STT3A: variants seen among roughly 807,000 people sequenced by gnomAD.
The protein encoded by STT3A is dolichyl-diphosphooligosaccharide--protein glycosyltransferase subunit STT3A.
Under a neutral mutation model 89.2 loss-of-function variants are expected in STT3A, and 34 were observed. The ratio of observed to expected loss-of-function variants is 0.38; its 90% CI spans 0.29 to 0.51. The LOEUF is 0.51. Among genes scored for constraint, STT3A ranks in the 20% least tolerant of loss-of-function variants. The probability of loss-of-function intolerance (pLI) is 0.89; values close to 1 mark genes in which losing one functional copy is unlikely to be tolerated. For synonymous variants in STT3A, 282 were observed against 310.3 expected (o/e 0.91, Z 0.96); for missense variants, 555 against 889.5 (o/e 0.62, Z 4.78).
chr11:125,607,176 A>G (rs1001577582), intron 8 of STT3A, among the ~76,000 whole-genome samples: 1 of 152,202 alleles, frequency 6.6e-6, no homozygotes, highest in Non-Finnish European at 1.5e-5. Flanking sequence ...TTTATTGTAA[A>G]ATAGGCTTTG....
chr11:125,608,336 T>C (rs1322926762), intron 9 of STT3A, 47 bp downstream of exon 9: 10 of 1,537,402 alleles, frequency 6.5e-6, no homozygotes, highest in African/African-American at 1.4e-5. Context: ...TTTTTTAAGA[T>C]GGAGTTTCGC....
At position 125,620,821 on chromosome 11, in the gene STT3A, C is replaced by G; in HGVS notation, c.*11C>G. ...TTGTCAAGGACATAAATGTCACGTC[C>G]AGCTCTGATATGCTTCGCACTGAGC... On this transcript the variant is annotated 3_prime_UTR_variant, in exon 18 of 18. Coordinates refer to ENST00000392708, the MANE Select transcript of STT3A (RefSeq NM_152713.5). The G allele has an allele frequency of 6.2e-7, 1 of 1,612,628 alleles. No individual in the cohort carries two copies. Among genetic ancestry groups the G allele is most frequent in the Admixed American group, 1.7e-5 (1 of 59,964 alleles).
chr11:125,596,726 G>A (rs1408464729), intron 2 of STT3A, among the ~76,000 whole-genome samples: 1 of 122,148 alleles, frequency 8.2e-6, no homozygotes, highest in Non-Finnish European at 1.7e-5. Context: ...CAAGGTTAAG[G>A]TTAGTTATGT....
Position 125,614,273 on chromosome 11 carries a change from G to C in STT3A, c.1672-51G>C. 6.2e-7 allele frequency: 1 copy of C among 1,612,740 alleles called. No individual in the cohort carries two copies. Among genetic ancestry groups the C allele is most frequent in the Non-Finnish European group, 8.5e-7 (1 of 1,178,790 alleles). ...AATGGGAAATGTGTCTGCATGAGGG[G>C]ATCATATGACTTGGGATTTTGCTCT... On this transcript the variant is annotated intron_variant, in intron 14 of 17. Coordinates refer to ENST00000392708, the MANE Select transcript of STT3A (RefSeq NM_152713.5). The surrounding 1 kb of genome is among the most constrained non-coding windows in gnomAD (Gnocchi z 4.9).
intron 15 of STT3A, among the ~76,000 whole-genome samples, chr11:125,616,682 T>C (rs1488791115): frequency 6.6e-6 from 1 of 152,192 alleles, no homozygotes; most frequent in Non-Finnish European, 1.5e-5. Flanking sequence ...ATCATCATCA[T>C]CATTATTGTT....
rs193010694 is a variant in STT3A at position 125,592,892 on chromosome 11, C to G, written c.-62C>G. On this transcript the variant is annotated 5_prime_UTR_variant, in exon 1 of 18. Transcript: ENST00000392708. ...GCTGAACGGATGGCTGAGGGAGCCC[C>G]GCGGATCGTTTAGGAAAGCCGGCCA... 1.0e-4 allele frequency: 18 copies of G among 174,466 alleles called. No individual in the cohort carries two copies. In the East Asian group the frequency reaches 2.5e-3, roughly 25 times the overall value. The allele number at this position is 174,466 out of a possible 1,614,324, so 10.8% of individuals were successfully genotyped here. A position where few individuals can be genotyped will look rare whatever the true frequency, so the allele number is the denominator to read the frequency against.
intron 5 of STT3A, among the ~76,000 whole-genome samples, chr11:125,603,182 C>T (rs1939734191): frequency 6.6e-6 from 1 of 151,446 alleles, no homozygotes. Context: ...ATGTAAATTG[C>T]AACATAAAGA....
Position 125,620,958 on chromosome 11 carries a change from T to A in STT3A, c.*148T>A. ...TGTCTGGAAGTTTTGTCTTGGGCAG[T>A]ATGGGCTGGGCCAAATGAAATGATT... On this transcript the variant is annotated 3_prime_UTR_variant, in exon 18 of 18. Transcript: ENST00000392708. 6.8e-6 allele frequency: 4 copies of A among 589,886 alleles called. No homozygotes were observed. The highest frequency in any genetic ancestry group is 1.2e-5 in the Non-Finnish European group (4 of 347,202). The allele number at this position is 589,886 out of a possible 1,614,324, so 36.5% of individuals were successfully genotyped here.
At chr11:125,611,279 T>A (rs1389051756) in intron 10 of STT3A, 149 bp from the exon 11 acceptor site, 4 of 636,056 alleles carry the variant, frequency 6.3e-6, no homozygotes, top group Non-Finnish European at 1.1e-5. Flanking sequence ...TTTGCATGTT[T>A]CTATGATTGT....
At chr11:125,600,342 G>A (rs542510292) in intron 3 of STT3A, among the ~76,000 whole-genome samples, 14 of 151,542 alleles carry the variant, frequency 9.2e-5, no homozygotes, top group Admixed American at 6.6e-5. Context: ...GAGCCACTGC[G>A]CCTGGCCTTA....
At chr11:125,598,984 A>G (rs1317196465) in intron 3 of STT3A, among the ~76,000 whole-genome samples, 1 of 152,196 alleles carries the variant, frequency 6.6e-6, no homozygotes, top group East Asian at 1.9e-4. Context: ...ATGTTAGATA[A>G]TCAAGGAATG....
chr11:125,614,011 AG>A lies in STT3A; in HGVS notation c.1555-75del, dbSNP rs1940097423. The A allele has an allele frequency of 7.6e-7, 1 of 1,319,998 alleles. No homozygotes were observed. The highest frequency in any genetic ancestry group is 1.5e-5 in the African/African-American group (1 of 68,808). The allele number at this position is 1,319,998 out of a possible 1,614,324, so 81.8% of individuals were successfully genotyped here. ...CCAGGTGTCACTTCTGTCAGACCAA[AG>A]ATGCCTTCTCTGTTGCATTTGATTT... On this transcript the variant is annotated intron_variant, in intron 13 of 17. Transcript: ENST00000392708. This position sits in a 1 kb window ranked among gnomAD's most constrained non-coding sequence, Gnocchi z 4.9.
intron 3 of STT3A, among the ~76,000 whole-genome samples, chr11:125,597,922 G>A (rs1939542614): frequency 6.6e-6 from 1 of 152,012 alleles, no homozygotes; most frequent in Non-Finnish European, 1.5e-5. Flanking sequence ...TCTTAGAAAT[G>A]AGGAGACTCC....
intron 17 of STT3A, 33 bp from the exon 18 acceptor site, chr11:125,620,739 T>C: frequency 6.2e-7 from 1 of 1,609,474 alleles, no homozygotes; most frequent in Admixed American, 1.7e-5. Flanking sequence ...TTGATCTGAT[T>C]GTAAATATTA....
chr11:125,607,035 G>A (rs1232365133), intron 8 of STT3A, among the ~76,000 whole-genome samples: 1 of 152,182 alleles, frequency 6.6e-6, no homozygotes, highest in East Asian at 1.9e-4. Flanking sequence ...GCGTGACTTA[G>A]GATTTTTTGG....
At chr11:125,617,565 A>G (rs777706450) in intron 15 of STT3A, among the ~76,000 whole-genome samples, 25 of 152,238 alleles carry the variant, frequency 1.6e-4, no homozygotes, top group Non-Finnish European at 2.9e-4. Flanking sequence ...TGTGCAAGCA[A>G]TACAGTAAAT....
At position 125,604,137 on chromosome 11, in the gene STT3A, T is replaced by C. The variant is rs1488235785; in HGVS notation, c.418-20T>C. On this transcript the variant is annotated intron_variant, in intron 5 of 17. Coordinates refer to ENST00000392708, the MANE Select transcript of STT3A (RefSeq NM_152713.5). ...GCATTGTATTGGTGTTAATGTCTTA[T>C]TACCCTTTTTTTCTTACAGGATGCA... The C allele has an allele frequency of 1.2e-6, 2 of 1,613,240 alleles. No individual in the cohort carries two copies. The highest frequency in any genetic ancestry group is 1.7e-6 in the Non-Finnish European group (2 of 1,179,258).
upstream of STT3A, chr11:125,592,282 T>C (rs775156938): frequency 1.0e-5 from 4 of 395,300 alleles, no homozygotes; most frequent in Non-Finnish European, 2.0e-5. Context: ...CAGTAAAAGC[T>C]CGAGTCAACT....
At chr11:125,595,850 A>G (rs1225033727) in intron 1 of STT3A, 31 bp from the exon 2 acceptor site, 4 of 1,028,190 alleles carry the variant, frequency 3.9e-6, no homozygotes, top group South Asian at 2.6e-5. Context: ...AAGGTGTTCA[A>G]TATCTTGTGG....
Sources: gnomAD v4.1 joint callset for allele counts (sites outside exome capture counted in the v4.1 genomes callset) on GRCh38, gnomAD v4.1.1 for gene constraint, Gnocchi (gnomAD v3.1) non-coding constraint, MANE v1.5 for transcripts, NCBI Gene and HGNC (gene_info 2026-07-23, HGNC 2026-07-21) for gene names.